The following ZPBP variants were observed in gnomAD, a reference collection of about 807,000 sequenced individuals.
ZPBP encodes the protein zona pellucida binding protein.
Under a neutral mutation model 44.8 loss-of-function variants are expected in ZPBP, and 26 were observed. The observed-to-expected ratio is 0.58, with a 90% CI of 0.43 to 0.81. The LOEUF is 0.81. ZPBP is among the 30% of genes least tolerant of loss of function. The pLI, the probability that ZPBP is intolerant of heterozygous loss-of-function variation, is 0.00. For synonymous variants in ZPBP, 174 were observed against 153.2 expected (o/e 1.14, Z -1.00); for missense variants, 409 against 434.0 (o/e 0.94, Z 0.51).
chr7:50,089,723 AG>A lies in ZPBP; in HGVS notation c.128-15del, dbSNP rs1462655552. 1.9e-6 allele frequency: 3 copies of A among 1,593,614 alleles called. No homozygotes were observed. Among genetic ancestry groups the A allele is most frequent in the East Asian group, 4.5e-5 (2 of 44,664 alleles). ...CCAAGTGTCCAACTATCAAAAAAAA[AG>A]ATCAACAATTTGTCTCATTAGATAT... On this transcript the variant is annotated splice_polypyrimidine_tract_variant and intron_variant, in intron 1 of 7. Transcript: ENST00000046087.
chr7:49,953,481 T>C (rs1435412656), intron 7 of ZPBP, among the ~76,000 whole-genome samples: 1 of 152,058 alleles, frequency 6.6e-6, no homozygotes, highest in Non-Finnish European at 1.5e-5. Context: ...CTTGGGAAGG[T>C]AGTAGGAAAC....
At chr7:49,982,641 A>G (rs1239931838) in intron 7 of ZPBP, among the ~76,000 whole-genome samples, 1 of 151,690 alleles carries the variant, frequency 6.6e-6, no homozygotes, top group Non-Finnish European at 1.5e-5. Context: ...TTTCCTTTAT[A>G]AACTATCAAG....
At chr7:49,877,481 A>AAAAAAAAATATACAT in intron 2 of ZPBP, among the ~76,000 whole-genome samples, 9 of 12,728 alleles carry the variant, frequency 7.1e-4, no homozygotes, top group Non-Finnish European at 1.0e-3. Flanking sequence ...AAAAAAAAAA[A>AAAAAAAAATATACAT]ATATATATAT....
intron 6 of ZPBP, among the ~76,000 whole-genome samples, chr7:49,986,392 T>C (rs1797281528): frequency 1.3e-5 from 2 of 152,032 alleles, no homozygotes; most frequent in African/African-American, 4.8e-5. Flanking sequence ...AGCACCCCAT[T>C]CCCCCTTCCC....
chr7:50,000,172 T>TA (rs1190400548), intron 6 of ZPBP, among the ~76,000 whole-genome samples: 1 of 152,130 alleles, frequency 6.6e-6, no homozygotes, highest in African/African-American at 2.4e-5. Flanking sequence ...AATGAGGATA[T>TA]AAAAAATACA....
intron 3 of ZPBP, among the ~76,000 whole-genome samples, chr7:50,076,164 T>G (rs1045154604): frequency 6.6e-6 from 1 of 151,682 alleles, no homozygotes; most frequent in South Asian, 2.1e-4. Flanking sequence ...TGAACGATCA[T>G]GTTTTGATTA....
chr7:49,874,268 C>G (rs1178707805), intron 2 of ZPBP, among the ~76,000 whole-genome samples: 1 of 152,200 alleles, frequency 6.6e-6, no homozygotes, highest in Non-Finnish European at 1.5e-5. Flanking sequence ...CATAGAATTA[C>G]AATACTGCAT....
At chr7:49,966,694 T>A (rs1562806322) in intron 7 of ZPBP, among the ~76,000 whole-genome samples, 1 of 152,180 alleles carries the variant, frequency 6.6e-6, no homozygotes, top group Non-Finnish European at 1.5e-5. Flanking sequence ...AAAGCAATGC[T>A]AGACAGAATT....
chr7:50,012,804 A>G (rs1267889669), intron 6 of ZPBP, among the ~76,000 whole-genome samples: 2 of 151,346 alleles, frequency 1.3e-5, no homozygotes, highest in African/African-American at 4.9e-5. Context: ...GAGAAAACAG[A>G]ATACATAAAT....
intron 7 of ZPBP, among the ~76,000 whole-genome samples, chr7:49,960,179 G>C (rs1795799317): frequency 6.6e-6 from 1 of 152,144 alleles, no homozygotes; most frequent in Admixed American, 6.5e-5. Context: ...CAGCACTTTA[G>C]GAGGCTGAGG....
chr7:50,010,374 T>C (rs1051630223), intron 6 of ZPBP, among the ~76,000 whole-genome samples: 2 of 151,956 alleles, frequency 1.3e-5, no homozygotes, highest in African/African-American at 4.8e-5. Flanking sequence ...GGAGAAAAGA[T>C]GGCATTTGAA....
downstream of ZPBP, among the ~76,000 whole-genome samples, chr7:49,845,781 T>C (rs760327573): frequency 3.9e-5 from 6 of 152,214 alleles, no homozygotes; most frequent in Non-Finnish European, 8.8e-5. Flanking sequence ...AAGTTTCCCC[T>C]GTCTCTATGG....
At chr7:50,062,775 A>G (rs1018807525) in intron 3 of ZPBP, among the ~76,000 whole-genome samples, 10 of 152,282 alleles carry the variant, frequency 6.6e-5, no homozygotes, top group South Asian at 2.1e-4. Context: ...GTTAACAACT[A>G]TCCATTAAAA....
intron 7 of ZPBP, among the ~76,000 whole-genome samples, chr7:49,981,366 A>T (rs1349090410): frequency 0.49 from 15,757 of 32,194 alleles, 3,254 homozygotes; most frequent in East Asian, 0.65. Flanking sequence ...ATTATATATA[A>T]TTATATATAT....
chr7:49,858,021 A>G (rs1363656845), intron 2 of ZPBP, among the ~76,000 whole-genome samples: 1 of 152,166 alleles, frequency 6.6e-6, no homozygotes, highest in Non-Finnish European at 1.5e-5. Context: ...CCTCGTGTCA[A>G]TGAAAGCTAT....
At chr7:50,047,241 C>T (rs1190782534) in intron 4 of ZPBP, among the ~76,000 whole-genome samples, 4 of 151,666 alleles carry the variant, frequency 2.6e-5, no homozygotes, top group South Asian at 4.2e-4. Context: ...TATGTGTATA[C>T]CTATGTAACA....
At chr7:49,891,782 G>A (rs1442897002) in intron 2 of ZPBP, among the ~76,000 whole-genome samples, 1 of 152,172 alleles carries the variant, frequency 6.6e-6, no homozygotes, top group Admixed American at 6.5e-5. Context: ...TGCACAGCAA[G>A]GACACTTCTA....
At chr7:50,031,981 T>A (rs755109230) in intron 4 of ZPBP, among the ~76,000 whole-genome samples, 8 of 152,138 alleles carry the variant, frequency 5.3e-5, no homozygotes, top group Non-Finnish European at 7.4e-5. Context: ...GCTACTTCTG[T>A]CAAACAAGGG....
intron 5 of ZPBP, among the ~76,000 whole-genome samples, chr7:50,029,634 C>A (rs180676613): frequency 2.0e-3 from 308 of 152,314 alleles, no homozygotes; most frequent in Middle Eastern, 6.8e-3. Context: ...AAAAGACACA[C>A]AACCAAATTT....
Sources: gnomAD v4.1 joint callset for allele counts (sites outside exome capture counted in the v4.1 genomes callset) on GRCh38, gnomAD v4.1.1 for gene constraint, MANE v1.5 for transcripts, NCBI Gene and HGNC (gene_info 2026-07-23, HGNC 2026-07-21) for gene names.